Variants in CYRIB observed in about 807,000 individuals in gnomAD.
CYRIB encodes the protein CYFIP-related Rac1 interactor B.
A neutral mutation model predicts 44.2 loss-of-function variants in CYRIB; 8 were observed. The ratio of observed to expected loss-of-function variants is 0.18; its 90% CI spans 0.11 to 0.33. CYRIB has a LOEUF of 0.33. Ranked by LOEUF, CYRIB falls within the 10% of genes least tolerant of loss-of-function variation. The pLI is 1.00. For synonymous variants in CYRIB, 131 were observed against 127.2 expected, an observed-to-expected ratio of 1.03 and a Z score of -0.20; for missense variants, 185 against 382.8, an observed-to-expected ratio of 0.48 and a Z score of 4.31.
chr8:130,006,594 T>TTATATATATATATATATATACACA, intron 1 of CYRIB, among the ~76,000 whole-genome samples: 1 of 15,322 alleles, frequency 6.5e-5, no homozygotes, highest in Non-Finnish European at 1.0e-4. Context: ...AAAACACAAA[T>TTATATATATATATATATATACACA]TATATATATA....
chr8:129,959,801 C>T (rs1369648299), intron 2 of CYRIB, among the ~76,000 whole-genome samples: 1 of 152,122 alleles, frequency 6.6e-6, no homozygotes, highest in African/African-American at 2.4e-5. Flanking sequence ...CAGTATTATC[C>T]CATTTCCCAC....
At chr8:129,912,456 C>G (rs916700728) in intron 1 of CYRIB, 2 of 150,358 alleles carry the variant, frequency 1.3e-5, no homozygotes, top group African/African-American at 2.5e-5. Context: ...TAATTATGAC[C>G]AAGTTTGGCT....
chr8:129,934,417 T>C (rs866853640), intron 1 of CYRIB, among the ~76,000 whole-genome samples: 3 of 152,222 alleles, frequency 2.0e-5, no homozygotes, highest in Non-Finnish European at 4.4e-5. Flanking sequence ...TCTTAAATTA[T>C]AATATCACAT....
chr8:129,933,973 G>A (rs1329230606), intron 1 of CYRIB, among the ~76,000 whole-genome samples: 2 of 152,110 alleles, frequency 1.3e-5, no homozygotes, highest in African/African-American at 2.4e-5. Flanking sequence ...GAGCTAGTGA[G>A]GGTTTTTCCA....
chr8:129,949,236 A>T (rs1049720549), intron 2 of CYRIB: 1 of 152,222 alleles, frequency 6.6e-6, no homozygotes, highest in African/African-American at 2.4e-5. Flanking sequence ...TTTAATGTGA[A>T]ATATAATGAC....
At chr8:129,917,665 T>A (rs949024293) in intron 1 of CYRIB, among the ~76,000 whole-genome samples, 26 of 152,122 alleles carry the variant, frequency 1.7e-4, no homozygotes, top group Non-Finnish European at 5.9e-5. Context: ...GAGATCAGCC[T>A]GACCAACATG....
intron 1 of CYRIB, among the ~76,000 whole-genome samples, chr8:129,997,052 AGGAG>A (rs753735139): frequency 0.011 from 1,023 of 97,018 alleles, 22 homozygotes; most frequent in African/African-American, 0.033. Flanking sequence ...GAAGGAAGGA[AGGAG>A]GGAGGGAGGG....
chr8:129,992,142 G>A (rs1205454692), intron 1 of CYRIB, among the ~76,000 whole-genome samples: 2 of 151,400 alleles, frequency 1.3e-5, no homozygotes, highest in African/African-American at 2.4e-5. Flanking sequence ...GCAACATAGC[G>A]AGACTCTGTA....
At chr8:129,870,511 T>C (rs1176559531) in intron 4 of CYRIB, among the ~76,000 whole-genome samples, 2 of 152,220 alleles carry the variant, frequency 1.3e-5, no homozygotes, top group Non-Finnish European at 2.9e-5. Context: ...CCTTCTGGTG[T>C]CTGCACTTGA....
chr8:129,938,913 T>A, intron 1 of CYRIB, among the ~76,000 whole-genome samples: 1 of 152,174 alleles, frequency 6.6e-6, no homozygotes, highest in Non-Finnish European at 1.5e-5. Flanking sequence ...GTTTGACAGT[T>A]ATAGATTTGG....
intron 1 of CYRIB, among the ~76,000 whole-genome samples, chr8:130,000,873 G>C (rs1240198358): frequency 6.8e-6 from 1 of 148,106 alleles, no homozygotes; most frequent in Non-Finnish European, 1.5e-5. Context: ...GTTTCTAAAA[G>C]AAAAAAAAAA....
intron 5 of CYRIB, among the ~76,000 whole-genome samples, chr8:129,859,019 C>T (rs1388730221): frequency 1.3e-5 from 2 of 152,140 alleles, no homozygotes; most frequent in African/African-American, 2.4e-5. Context: ...CAGCTGGGCC[C>T]GGGGGACCAC....
chr8:129,930,911 A>T (rs2091031019), intron 1 of CYRIB, among the ~76,000 whole-genome samples: 1 of 152,198 alleles, frequency 6.6e-6, no homozygotes, highest in Non-Finnish European at 1.5e-5. Flanking sequence ...ACCCAAATGA[A>T]TGGAATAAAT....
intron 5 of CYRIB, among the ~76,000 whole-genome samples, chr8:129,860,442 A>G (rs948682514): frequency 5.3e-5 from 8 of 152,250 alleles, no homozygotes; most frequent in African/African-American, 1.7e-4. Context: ...GCTACAAACT[A>G]TAGAGACTCT....
At chr8:129,992,430 C>T (rs917221905) in intron 1 of CYRIB, among the ~76,000 whole-genome samples, 6 of 152,204 alleles carry the variant, frequency 3.9e-5, no homozygotes, top group African/African-American at 1.4e-4. Context: ...TACTGCCACC[C>T]CCTCTTGGAA....
At chr8:129,863,465 C>A (rs1239110107) in intron 4 of CYRIB, among the ~76,000 whole-genome samples, 1 of 151,120 alleles carries the variant, frequency 6.6e-6, no homozygotes, top group African/African-American at 2.4e-5. Flanking sequence ...GTGGAGGCTG[C>A]AGTGAGCCGA....
intron 1 of CYRIB, among the ~76,000 whole-genome samples, chr8:129,936,704 CTTTT>C (rs397893033): frequency 2.5e-5 from 3 of 118,240 alleles, no homozygotes; most frequent in Admixed American, 9.5e-5. Context: ...ATATAGCAGT[CTTTT>C]TTTTTTTTTT....
intron 1 of CYRIB, among the ~76,000 whole-genome samples, chr8:129,928,303 A>T (rs1339937374): frequency 6.8e-6 from 1 of 146,180 alleles, no homozygotes; most frequent in Non-Finnish European, 1.5e-5. Context: ...CAAGACCTCG[A>T]CTCTGAACCC....
At chr8:130,006,665 T>TATATATAC (rs1446231255) in intron 1 of CYRIB, among the ~76,000 whole-genome samples, 3 of 120,176 alleles carry the variant, frequency 2.5e-5, no homozygotes, top group Non-Finnish European at 5.5e-5. Flanking sequence ...TATATATGTA[T>TATATATAC]ATATATATGT....
Sources: gnomAD v4.1 joint callset for allele counts (sites outside exome capture counted in the v4.1 genomes callset) on GRCh38, gnomAD v4.1.1 for gene constraint, MANE v1.5 for transcripts, NCBI Gene and HGNC (gene_info 2026-07-23, HGNC 2026-07-21) for gene names.